Variants in TENT5A observed in about 807,000 individuals in gnomAD.
TENT5A encodes HBV X-transactivated gene 11 protein.
A neutral mutation model predicts 30.2 loss-of-function variants in TENT5A; 9 were observed. That is an observed-to-expected ratio of 0.30 (90% CI 0.18 to 0.52). The LOEUF is 0.52. TENT5A is among the 20% of genes least tolerant of loss of function. The pLI, the probability that TENT5A is intolerant of heterozygous loss-of-function variation, is 0.97. For synonymous variants in TENT5A, 264 were observed against 234.2 expected (o/e 1.13, Z -1.16); for missense variants, 411 against 566.1 (o/e 0.73, Z 2.78).
chr6:81,746,433 G>A lies in TENT5A; in HGVS notation c.*3262C>T, dbSNP rs1306086216. ...ACTTTTCATTTCCTTCCTTGGTTTG[G>A]ATTACACATATTCTTCCATCCTTGC... On this transcript the variant is annotated 3_prime_UTR_variant, in exon 3 of 3. Transcript: ENST00000320172. 2 of 1,231,536 alleles carry A rather than the reference G, an allele frequency of 1.6e-6. No individual in the cohort carries two copies. Among genetic ancestry groups the A allele is most frequent in the Non-Finnish European group, 2.0e-6 (2 of 987,634 alleles). The allele number at this position is 1,231,536 out of a possible 1,614,324, so 76.3% of individuals were successfully genotyped here.
At position 81,745,871 on chromosome 6, in the gene TENT5A, T is replaced by A; in HGVS notation, c.*3824A>T. ...ATTTTCCATCAACTCCTTTTCTGCC[T>A]GTGACGCAGCCTATAGTCAAAATAT... On this transcript the variant is annotated 3_prime_UTR_variant, in exon 3 of 3. Coordinates refer to ENST00000320172, the MANE Select transcript of TENT5A (RefSeq NM_017633.3). 1 of 985,716 alleles carries A rather than the reference T, an allele frequency of 1.0e-6. No homozygotes were observed. Among genetic ancestry groups the A allele is most frequent in the Non-Finnish European group, 1.2e-6 (1 of 829,924 alleles). The allele number at this position is 985,716 out of a possible 1,614,324, so 61.1% of individuals were successfully genotyped here.
chr6:81,752,319 TC>T (rs1769064646), intron 1 of TENT5A, 111 bp downstream of exon 1: 3 of 1,474,962 alleles, frequency 2.0e-6, no homozygotes, highest in Non-Finnish European at 2.7e-6. Context: ...GGAGACTCCC[TC>T]CCCCGGCCCT....
chr6:81,747,532 CGGATTAACCT>C lies in TENT5A; in HGVS notation c.*2153_*2162del. The C allele has an allele frequency of 1.0e-6, 1 of 985,732 alleles. No individual in the cohort carries two copies. Among genetic ancestry groups the C allele is most frequent in the Non-Finnish European group, 1.2e-6 (1 of 829,936 alleles). The allele number at this position is 985,732 out of a possible 1,614,324, so 61.1% of individuals were successfully genotyped here. The stretch of plus-strand genomic sequence containing the variant: ...AAAGATGCACAAAAGGTAGTCCAGA[CGGATTAACCT>C]GGATTAACCTAGCACTAAGCATCTG... On this transcript the variant is annotated 3_prime_UTR_variant, in exon 3 of 3. Coordinates refer to ENST00000320172, the MANE Select transcript of TENT5A (RefSeq NM_017633.3).
Position 81,752,169 on chromosome 6 carries a change from C to T in TENT5A, c.-28G>A, listed in dbSNP as rs1279603542. 1.3e-6 allele frequency: 2 copies of T among 1,513,646 alleles called. No individual in the cohort carries two copies. The highest frequency in any genetic ancestry group is 2.2e-5 in the Admixed American group (1 of 44,788). 93.8% of individuals were successfully genotyped at this position (1,513,646 alleles called of 1,614,324 possible). ...AGTGCCCGCCGAGCGCCACTTGGCC[C>T]TGGTCAGTCCTAAAAAGAAAGGGAA... On this transcript the variant is annotated 5_prime_UTR_variant, in exon 2 of 3. Coordinates refer to ENST00000320172, the MANE Select transcript of TENT5A (RefSeq NM_017633.3).
At position 81,748,862 on chromosome 6, in the gene TENT5A, G is replaced by A. The variant is rs1003880987; in HGVS notation, c.*833C>T. The A allele has an allele frequency of 8.8e-5, 87 of 985,290 alleles. No individual in the cohort carries two copies. The highest frequency in any genetic ancestry group is 1.0e-4 in the Non-Finnish European group (86 of 829,568). 61.0% of individuals were successfully genotyped at this position (985,290 alleles called of 1,614,324 possible). On this transcript the variant is annotated 3_prime_UTR_variant, in exon 3 of 3. Transcript: ENST00000320172. ...ATAATTTTGCCACTTCAAATTTTCA[G>A]AAGGCAACAGGCACTTTGATGTATA... is the stretch of plus-strand genomic sequence containing the variant.
rs1768980594 is a variant in TENT5A, at chr6:81,749,446, T to C, written c.*249A>G. ...CTGGTTGCTTCTAATGACAGGTCTC[T>C]CTTTTTTTGCAGGATAGAATCCAAT... On this transcript the variant is annotated 3_prime_UTR_variant, in exon 3 of 3. Coordinates refer to ENST00000320172, the MANE Select transcript of TENT5A (RefSeq NM_017633.3). 3 of 1,236,122 alleles carry C rather than the reference T, an allele frequency of 2.4e-6. No individual in the cohort carries two copies. In the African/African-American group the frequency reaches 4.7e-5, roughly 19 times the overall value. The allele number at this position is 1,236,122 out of a possible 1,614,324, so 76.6% of individuals were successfully genotyped here.
Position 81,748,692 on chromosome 6 carries a change from CTATGA to C in TENT5A, c.*998_*1002del. On this transcript the variant is annotated 3_prime_UTR_variant, in exon 3 of 3. Coordinates refer to ENST00000320172, the MANE Select transcript of TENT5A (RefSeq NM_017633.3). ...AATTTATACACACATACACATGTAC[CTATGA>C]TAATATCAGATCAACAAATGTTAAC... 3.1e-6 allele frequency: 3 copies of C among 972,040 alleles called. No homozygotes were observed. Among genetic ancestry groups the C allele is most frequent in the Non-Finnish European group, 3.7e-6 (3 of 817,710 alleles). 60.2% of individuals were successfully genotyped at this position (972,040 alleles called of 1,614,324 possible).
In TENT5A at chr6:81,749,278, CT is replaced by C. The variant is rs1768975573; in HGVS notation, c.*416del. 1.0e-5 allele frequency: 10 copies of C among 993,170 alleles called. No homozygotes were observed. Among genetic ancestry groups the C allele is most frequent in the African/African-American group, 1.7e-5 (1 of 57,606 alleles). 61.5% of individuals were successfully genotyped at this position (993,170 alleles called of 1,614,324 possible). On this transcript the variant is annotated 3_prime_UTR_variant, in exon 3 of 3. Transcript: ENST00000320172. ...ACTGATTCACAAGTTGGAGTGAGAC[CT>C]TTTTTCCTCCGTATTTTCCCTTTTA...
rs142530175 is a variant in TENT5A at position 81,749,761 on chromosome 6, A to T, written c.1263T>A (p.Ile421=). ...ACGTGAATACTGGCTGAACCTGTGC[A>T]ATGTAGTAATTGCTAAAGTTGGCAT... is the stretch of plus-strand genomic sequence containing the variant. The part of the protein sequence containing the change: ...VADANFSNYY[I]AQVQPVFTCQ... The change falls in exon 3 of 3, where the codon ATT becomes ATA. Residue 421 remains isoleucine, a synonymous_variant. Coordinates refer to ENST00000320172, the MANE Select transcript of TENT5A (RefSeq NM_017633.3). 1.2e-6 allele frequency: 2 copies of T among 1,614,068 alleles called. No individual in the cohort carries two copies. Among genetic ancestry groups the T allele is most frequent in the South Asian group, 2.2e-5 (2 of 91,076 alleles).
Position 81,749,098 on chromosome 6 carries a change from C to G in TENT5A, c.*597G>C. On this transcript the variant is annotated 3_prime_UTR_variant, in exon 3 of 3. Transcript: ENST00000320172. ...TAAGTTCTGCTGATTGTTACGAGAA[C>G]TGCACCAACCTACTACTGTTCATTT... 1.0e-6 allele frequency: 1 copy of G among 985,818 alleles called. No homozygotes were observed. The highest frequency in any genetic ancestry group is 1.2e-6 in the Non-Finnish European group (1 of 829,936). 61.1% of individuals were successfully genotyped at this position (985,818 alleles called of 1,614,324 possible). A position where few individuals can be genotyped will look rare whatever the true frequency, so the allele number is the denominator to read the frequency against.
rs1581989105 is a variant in TENT5A, at chr6:81,748,633, T to C, written c.*1062A>G. 1.1e-6 allele frequency: 1 copy of C among 920,738 alleles called. No individual in the cohort carries two copies. Among genetic ancestry groups the C allele is most frequent in the Non-Finnish European group, 1.3e-6 (1 of 771,104 alleles). 57.0% of individuals were successfully genotyped at this position (920,738 alleles called of 1,614,324 possible). A position where few individuals can be genotyped will look rare whatever the true frequency, so the allele number is the denominator to read the frequency against. The stretch of plus-strand genomic sequence containing the variant: ...ACTGTGTATATATACATATAAAATG[T>C]ATATATAAAATGTATATATACACAC... On this transcript the variant is annotated 3_prime_UTR_variant, in exon 3 of 3. Transcript: ENST00000320172.
In TENT5A at chr6:81,750,795, C is replaced by A. The variant is rs190567129; in HGVS notation, c.553-324G>T. 6.6e-6 allele frequency among the ~76,000 whole-genome samples: 1 copy of A among 152,328 alleles called. No homozygotes were observed. Among genetic ancestry groups the A allele is most frequent in the East Asian group, 1.9e-4 (1 of 5,178 alleles). Reference sequence around the variant, plus strand: ...AAAACGGTCTAATAGGCACAATATTCACACAGTATCCAAACAACATTCAAA... The same window carrying A: ...AAAACGGTCTAATAGGCACAATATTAACACAGTATCCAAACAACATTCAAA... On this transcript the variant is annotated intron_variant, in intron 2 of 2. Coordinates refer to ENST00000320172, the MANE Select transcript of TENT5A (RefSeq NM_017633.3). This position sits in a 1 kb window ranked among gnomAD's most constrained non-coding sequence, Gnocchi z 4.2.
rs778202175 is a variant in TENT5A at position 81,752,176 on chromosome 6, G to C, written c.-35C>G. 1.3e-6 allele frequency: 2 copies of C among 1,501,858 alleles called. No individual in the cohort carries two copies. The highest frequency in any genetic ancestry group is 2.8e-5 in the African/African-American group (2 of 71,124). The allele number at this position is 1,501,858 out of a possible 1,614,324, so 93.0% of individuals were successfully genotyped here. A position where few individuals can be genotyped will look rare whatever the true frequency, so the allele number is the denominator to read the frequency against. ...GCCGAGCGCCACTTGGCCCTGGTCA[G>C]TCCTAAAAAGAAAGGGAAAGGAGCG... is the stretch of plus-strand genomic sequence containing the variant. On this transcript the variant is annotated splice_region_variant and 5_prime_UTR_variant, in exon 2 of 3. Coordinates refer to ENST00000320172, the MANE Select transcript of TENT5A (RefSeq NM_017633.3).
rs1382972297 is a variant in TENT5A, at chr6:81,748,382, CAAAGAAAAAAAAAA to C, written c.*1299_*1312del. ...CCATTTGTGGAATTTTATGGCTCAC[CAAAGAAAAAAAAAA>C]AAAGAAAAAAAAATCCCACTAAAAC... is the stretch of plus-strand genomic sequence containing the variant. On this transcript the variant is annotated 3_prime_UTR_variant, in exon 3 of 3. Coordinates refer to ENST00000320172, the MANE Select transcript of TENT5A (RefSeq NM_017633.3). 3.2e-6 allele frequency: 3 copies of C among 941,660 alleles called. No individual in the cohort carries two copies. Among genetic ancestry groups the C allele is most frequent in the Non-Finnish European group, 3.7e-6 (3 of 806,808 alleles). The allele number at this position is 941,660 out of a possible 1,614,324, so 58.3% of individuals were successfully genotyped here.
Position 81,750,479 on chromosome 6 carries a change from T to G in TENT5A, c.553-8A>C. 6.7e-7 allele frequency: 1 copy of G among 1,489,892 alleles called. No homozygotes were observed. The highest frequency in any genetic ancestry group is 2.3e-5 in the East Asian group (1 of 43,278). 92.3% of individuals were successfully genotyped at this position (1,489,892 alleles called of 1,614,324 possible). On this transcript the variant is annotated splice_region_variant and splice_polypyrimidine_tract_variant and intron_variant, in intron 2 of 2. Coordinates refer to ENST00000320172, the MANE Select transcript of TENT5A (RefSeq NM_017633.3). This position sits in a 1 kb window ranked among gnomAD's most constrained non-coding sequence, Gnocchi z 4.2. ...TTTCTGCACATAAGCTTCCTACAAT[T>G]TAAAAGATAAAACAAAATGAGCAAA...
rs12207462 is a variant in TENT5A at position 81,746,334 on chromosome 6, T to C, written c.*3361A>G. On this transcript the variant is annotated 3_prime_UTR_variant, in exon 3 of 3. Coordinates refer to ENST00000320172, the MANE Select transcript of TENT5A (RefSeq NM_017633.3). The stretch of plus-strand genomic sequence containing the variant: ...CAATATTTATTTAACAAGCGTTGCA[T>C]TGAAAACAACTTTATGCACAGTGAA... 0.096 allele frequency: 118,121 copies of C among 1,224,084 alleles called. 6,245 individuals are homozygous for C. The highest frequency in any genetic ancestry group is 0.11 in the Non-Finnish European group (105,638 of 983,182). The allele number at this position is 1,224,084 out of a possible 1,614,324, so 75.8% of individuals were successfully genotyped here.
rs1768887441 is a variant in TENT5A, at chr6:81,746,476, A to G, written c.*3219T>C. On this transcript the variant is annotated 3_prime_UTR_variant, in exon 3 of 3. Transcript: ENST00000320172. ...ATCCTTGCATTTTTGGAGCTACATT[A>G]TTAGTCCATCCAATACCAAAGTGAG... 2 of 1,232,060 alleles carry G rather than the reference A, an allele frequency of 1.6e-6. No homozygotes were observed. Among genetic ancestry groups the G allele is most frequent in the Admixed American group, 4.2e-5 (1 of 23,722 alleles). 76.3% of individuals were successfully genotyped at this position (1,232,060 alleles called of 1,614,324 possible).
chr6:81,752,156 G>T lies in TENT5A; in HGVS notation c.-15C>A. ...CCCTCCGCCATGTAGTGCCCGCCGA[G>T]CGCCACTTGGCCCTGGTCAGTCCTA... On this transcript the variant is annotated 5_prime_UTR_variant, in exon 2 of 3. Transcript: ENST00000320172. The T allele has an allele frequency of 1.3e-6, 2 of 1,533,368 alleles. No homozygotes were observed. Among genetic ancestry groups the T allele is most frequent in the Non-Finnish European group, 1.8e-6 (2 of 1,138,728 alleles). 95.0% of individuals were successfully genotyped at this position (1,533,368 alleles called of 1,614,324 possible).
intron 2 of TENT5A, 99 bp downstream of exon 2, chr6:81,751,491 C>A (rs903030676): frequency 5.2e-6 from 6 of 1,145,346 alleles, no homozygotes; most frequent in African/African-American, 1.6e-5. Flanking sequence ...CTCGTGATGG[C>A]CACAGATTCA....
Sources: gnomAD v4.1 joint callset for allele counts (sites outside exome capture counted in the v4.1 genomes callset) on GRCh38, gnomAD v4.1.1 for gene constraint, Gnocchi (gnomAD v3.1) non-coding constraint, MANE v1.5 for transcripts, NCBI Gene and HGNC (gene_info 2026-07-23, HGNC 2026-07-21) for gene names.